PALM2AKAP2: variants seen among roughly 807,000 people sequenced by gnomAD.
PALM2AKAP2 encodes PALM2 and AKAP2 fusion, also known as PALM2-AKAP2 fusion protein.
In PALM2AKAP2, 37 loss-of-function variants were observed where a neutral mutation model predicts 71.5. The ratio of observed to expected loss-of-function variants is 0.52; its 90% CI spans 0.40 to 0.68. The LOEUF (loss-of-function observed/expected upper bound fraction) is 0.68, where lower values mean the gene tolerates loss of function less well. PALM2AKAP2 is among the 30% of genes least tolerant of loss of function. The pLI, the probability that PALM2AKAP2 is intolerant of heterozygous loss-of-function variation, is 0.00. For missense variants in PALM2AKAP2, 1,224 were observed against 1,191.8 expected, an observed-to-expected ratio of 1.03 and a Z score of -0.40; for synonymous variants, 468 against 478.8, an observed-to-expected ratio of 0.98 and a Z score of 0.29.
intron 1 of PALM2AKAP2, among the ~76,000 whole-genome samples, chr9:109,708,318 A>G (rs1828173285): frequency 1.3e-5 from 2 of 152,142 alleles, no homozygotes; most frequent in Non-Finnish European, 1.5e-5. Context: ...TCAACTTACT[A>G]TAGACAGCAG....
At chr9:109,989,493 AT>A in intron 6 of PALM2AKAP2, among the ~76,000 whole-genome samples, 1 of 152,180 alleles carries the variant, frequency 6.6e-6, no homozygotes. Flanking sequence ...GTGCCTTCAA[AT>A]TCCATTTGCC....
intron 1 of PALM2AKAP2, among the ~76,000 whole-genome samples, chr9:109,671,791 C>G (rs1163991990): frequency 1.3e-5 from 2 of 152,068 alleles, no homozygotes; most frequent in East Asian, 3.9e-4. Context: ...TTGTAGTTCT[C>G]CTTGTAGAGA....
intron 1 of PALM2AKAP2, among the ~76,000 whole-genome samples, chr9:109,770,734 A>G (rs533037560): frequency 7.9e-5 from 12 of 152,330 alleles, no homozygotes; most frequent in African/African-American, 2.9e-4. Flanking sequence ...AGGAGTTTTT[A>G]CTGGAACACA....
intron 6 of PALM2AKAP2, among the ~76,000 whole-genome samples, chr9:109,974,282 A>G (rs968855733): frequency 2.0e-5 from 3 of 152,238 alleles, no homozygotes; most frequent in South Asian, 2.1e-4. Flanking sequence ...CAAGAGTTCA[A>G]TGCCGATGGG....
intron 1 of PALM2AKAP2, among the ~76,000 whole-genome samples, chr9:109,853,921 G>A (rs1250389640): frequency 2.6e-5 from 4 of 152,132 alleles, no homozygotes; most frequent in Admixed American, 6.5e-5. Context: ...TCCTACTGGA[G>A]CATCCTAGGT....
chr9:110,095,611 C>T (rs968325950), intron 1 of PALM2AKAP2, among the ~76,000 whole-genome samples: 3 of 152,030 alleles, frequency 2.0e-5, no homozygotes, highest in Non-Finnish European at 4.4e-5. Flanking sequence ...ATAAGAATTG[C>T]CTTTTTGTTC....
chr9:109,859,939 CTATT>C (rs1404568766), intron 1 of PALM2AKAP2, among the ~76,000 whole-genome samples: 1 of 152,222 alleles, frequency 6.6e-6, no homozygotes, highest in Non-Finnish European at 1.5e-5. Context: ...ACCCAAGTGT[CTATT>C]TATTTTTCAG....
exon 1 of PALM2AKAP2, chr9:109,780,521 G>A (rs759131153): frequency 3.7e-6 from 6 of 1,613,626 alleles, no homozygotes; most frequent in Non-Finnish European, 4.2e-6. Context: ...AGGAAAGGCT[G>A]CAAGCCATAG....
chr9:109,911,196 G>A (rs1830561403), intron 3 of PALM2AKAP2, among the ~76,000 whole-genome samples: 1 of 152,184 alleles, frequency 6.6e-6, no homozygotes, highest in African/African-American at 2.4e-5. Flanking sequence ...GGGGGAAAAG[G>A]AGGGGGTTTA....
chr9:109,644,782 G>A (rs1038698215), intron 1 of PALM2AKAP2, among the ~76,000 whole-genome samples: 1 of 152,192 alleles, frequency 6.6e-6, no homozygotes, highest in African/African-American at 2.4e-5. Context: ...AGGGAAAAAT[G>A]CTGCCAGTTT....
chr9:109,884,703 C>A lies in PALM2AKAP2; in HGVS notation c.257+4022C>A, dbSNP rs1829927640. 2.0e-5 allele frequency among the ~76,000 whole-genome samples: 3 copies of A among 152,034 alleles called. No individual in the cohort carries two copies. In the South Asian group the frequency reaches 6.2e-4, roughly 32 times the overall value. ...TCTGTAGATCTTTAGATTTGGGCCC[C>A]CTAGTCTAAGTCACCCCCAGCAATC... On this transcript the variant is annotated intron_variant, in intron 3 of 9. Transcript: ENST00000302798.
rs1181327482 is a variant in PALM2AKAP2 at position 109,908,938 on chromosome 9, C to T, written c.258-14797C>T. ...GGATTTGGAAGAGAGGAATGCACCA[C>T]ATAAACAATTTTCACAATCTGGTAT... is the stretch of plus-strand genomic sequence containing the variant. On this transcript the variant is annotated intron_variant, in intron 3 of 9. Transcript: ENST00000302798. Among the ~76,000 whole-genome samples the T allele has an allele frequency of 2.0e-5, 3 of 152,134 alleles. No individual in the cohort carries two copies. In the East Asian group the frequency reaches 5.8e-4, roughly 29 times the overall value.
chr9:109,835,683 A>T (rs1828452164), intron 1 of PALM2AKAP2, among the ~76,000 whole-genome samples: 1 of 152,172 alleles, frequency 6.6e-6, no homozygotes, highest in African/African-American at 2.4e-5. Context: ...TCCCACCCTA[A>T]TACTACGCTT....
At chr9:109,664,889 T>C (rs1338385749) in intron 1 of PALM2AKAP2, among the ~76,000 whole-genome samples, 1 of 152,216 alleles carries the variant, frequency 6.6e-6, no homozygotes, top group Non-Finnish European at 1.5e-5. Flanking sequence ...GTTTGTTCCT[T>C]TTTGCTCTTT....
At chr9:109,765,560 C>A (rs1048237328) in intron 1 of PALM2AKAP2, 1 of 152,848 alleles carries the variant, frequency 6.5e-6, no homozygotes, top group Non-Finnish European at 1.5e-5. Flanking sequence ...AGTAAAATCA[C>A]CTGAGAAATT....
chr9:110,018,084 T>C (rs1266063446), intron 7 of PALM2AKAP2, among the ~76,000 whole-genome samples: 1 of 152,186 alleles, frequency 6.6e-6, no homozygotes, highest in Non-Finnish European at 1.5e-5. Flanking sequence ...ATAAGATTGC[T>C]ACTTAACCAG....
chr9:110,096,963 A>AT (rs934005719), intron 1 of PALM2AKAP2, among the ~76,000 whole-genome samples: 2 of 132,456 alleles, frequency 1.5e-5, no homozygotes, highest in Non-Finnish European at 3.3e-5. Context: ...TTTATTTATT[A>AT]TTTTTTTTAT....
intron 1 of PALM2AKAP2, among the ~76,000 whole-genome samples, chr9:109,792,697 A>C (rs1215772797): frequency 2.0e-5 from 3 of 152,146 alleles, no homozygotes; most frequent in Admixed American, 2.0e-4. Context: ...GAACTGTTTC[A>C]TAATGAGCAC....
intron 1 of PALM2AKAP2, among the ~76,000 whole-genome samples, chr9:109,736,822 C>T (rs181033386): frequency 7.2e-4 from 110 of 152,188 alleles, no homozygotes; most frequent in African/African-American, 2.5e-3. Flanking sequence ...TATTTGACTG[C>T]CATTTTCTGA....
Sources: gnomAD v4.1 joint callset for allele counts (sites outside exome capture counted in the v4.1 genomes callset) on GRCh38, gnomAD v4.1.1 for gene constraint, MANE v1.5 for transcripts, NCBI Gene and HGNC (gene_info 2026-07-23, HGNC 2026-07-21) for gene names.